RAD51B: variants seen among roughly 807,000 people sequenced by gnomAD.
RAD51B encodes DNA repair protein RAD51 homolog 2.
In RAD51B, 38 loss-of-function variants were observed where a neutral mutation model predicts 42.2. That is an observed-to-expected ratio of 0.90 (90% CI 0.70 to 1.18). The LOEUF is 1.18. Ranked by LOEUF, RAD51B falls within the 50% of genes most tolerant of loss-of-function variation. The pLI is 0.00. For synonymous variants in RAD51B, 154 were observed against 145.2 expected, an observed-to-expected ratio of 1.06 and a Z score of -0.43; for missense variants, 373 against 400.7, an observed-to-expected ratio of 0.93 and a Z score of 0.59.
At chr14:68,056,519 C>G (rs1438984436) in intron 7 of RAD51B, among the ~76,000 whole-genome samples, 2 of 151,880 alleles carry the variant, frequency 1.3e-5, no homozygotes, top group African/African-American at 4.8e-5. Flanking sequence ...GAGGCTGAGA[C>G]AGGCGGATTG....
At chr14:67,952,735 G>T (rs748026835) in intron 7 of RAD51B, among the ~76,000 whole-genome samples, 1 of 151,992 alleles carries the variant, frequency 6.6e-6, no homozygotes, top group Non-Finnish European at 1.5e-5. Context: ...AGGGAAAGAA[G>T]CTCTTTAAGA....
At chr14:68,100,221 T>G (rs921573832) in intron 7 of RAD51B, among the ~76,000 whole-genome samples, 6 of 152,340 alleles carry the variant, frequency 3.9e-5, no homozygotes, top group African/African-American at 1.4e-4. Flanking sequence ...AATATGAATT[T>G]CTTTATTAGA....
intron 8 of RAD51B, among the ~76,000 whole-genome samples, chr14:68,392,727 G>A (rs770460169): frequency 1.3e-5 from 2 of 152,188 alleles, no homozygotes; most frequent in Non-Finnish European, 2.9e-5. Flanking sequence ...CTCCTTTTCC[G>A]AGGAGGACAC....
chr14:67,927,758 G>GTA (rs1201339784), intron 7 of RAD51B, among the ~76,000 whole-genome samples: 1 of 143,026 alleles, frequency 7.0e-6, no homozygotes, highest in African/African-American at 3.0e-5. Flanking sequence ...TTGTGTGTGT[G>GTA]TATATATTAT....
chr14:68,494,041 C>T (rs754970177), intron 10 of RAD51B, among the ~76,000 whole-genome samples: 1 of 151,794 alleles, frequency 6.6e-6, no homozygotes, highest in Admixed American at 6.6e-5. Flanking sequence ...TATGGGAGGC[C>T]GAGGGAGGCG....
chr14:68,281,300 T>C (rs1266290767), intron 7 of RAD51B, among the ~76,000 whole-genome samples: 2 of 152,198 alleles, frequency 1.3e-5, no homozygotes, highest in African/African-American at 2.4e-5. Context: ...GGTTTTCCTA[T>C]TGGAATAATT....
intron 8 of RAD51B, among the ~76,000 whole-genome samples, chr14:68,303,159 A>C (rs1345521377): frequency 6.6e-6 from 1 of 152,258 alleles, no homozygotes; most frequent in African/African-American, 2.4e-5. Context: ...GGATGAGCTC[A>C]TGTCCTTTGC....
chr14:68,083,657 T>G (rs564506075), intron 7 of RAD51B, among the ~76,000 whole-genome samples: 1 of 152,322 alleles, frequency 6.6e-6, no homozygotes, highest in East Asian at 1.9e-4. Context: ...TGGTTACTTA[T>G]TAAAGATAAA....
rs35131778 is a variant in RAD51B at position 68,145,053 on chromosome 14, A to G, written c.757-146831A>G. Among the ~76,000 whole-genome samples the G allele has an allele frequency of 3.7e-3, 560 of 152,338 alleles. 1 individual carries two copies. The highest frequency in any genetic ancestry group is 6.8e-3 in the Middle Eastern group (2 of 294). On this transcript the variant is annotated intron_variant, in intron 7 of 10. Coordinates refer to ENST00000471583, the MANE Select transcript of RAD51B (RefSeq NM_133510.4). ...TTTTGCATTGTCTACAATTCATAGA[A>G]TCAGTATGGTAAAACATTAGAGCTG...
chr14:67,942,062 C>G (rs1234588079), intron 7 of RAD51B, among the ~76,000 whole-genome samples: 1 of 152,072 alleles, frequency 6.6e-6, no homozygotes, highest in East Asian at 1.9e-4. Flanking sequence ...AGAGGAAAAG[C>G]TAATAAAGTA....
At chr14:68,257,527 T>C (rs1340971574) in intron 7 of RAD51B, among the ~76,000 whole-genome samples, 1 of 152,128 alleles carries the variant, frequency 6.6e-6, no homozygotes, top group African/African-American at 2.4e-5. Flanking sequence ...AATTTAAAAT[T>C]AAATGATTTT....
intron 7 of RAD51B, among the ~76,000 whole-genome samples, chr14:68,051,071 G>A (rs2076385290): frequency 6.6e-6 from 1 of 151,566 alleles, no homozygotes; most frequent in Admixed American, 6.6e-5. Context: ...AAGAATAATT[G>A]TCATTCATAG....
chr14:68,644,096 C>A (rs868480756), intron 10 of RAD51B, among the ~76,000 whole-genome samples: 2 of 152,194 alleles, frequency 1.3e-5, no homozygotes, highest in Non-Finnish European at 2.9e-5. Flanking sequence ...CTTCTTCTTC[C>A]AGGGGCCTTG....
rs193186582 is a variant in RAD51B, at chr14:68,635,154, C to T, written c.1037-15627C>T. ...ATTGAATGGGGGCCTCTGAGTATCC[C>T]CCCCTCAATTTCAAATGAATGGGTG... On this transcript the variant is annotated intron_variant, in intron 10 of 11. Coordinates refer to the RAD51B transcript ENST00000488612. Among the ~76,000 whole-genome samples, 335 of 152,280 alleles carry T rather than the reference C, an allele frequency of 2.2e-3. 1 individual carries two copies. The highest frequency in any genetic ancestry group is 7.5e-3 in the African/African-American group (312 of 41,548).
At chr14:68,151,839 T>C (rs1341171719) in intron 7 of RAD51B, among the ~76,000 whole-genome samples, 2 of 103,918 alleles carry the variant, frequency 1.9e-5, no homozygotes, top group African/African-American at 8.9e-5. Flanking sequence ...TTTTTTTTTT[T>C]TTTTTTTTTT....
At position 68,513,994 on chromosome 14, in the gene RAD51B, A is replaced by G. The variant is rs113248580; in HGVS notation, c.1036+45744A>G. ...GGAAGCAATCCACGAGAACTGAACA[A>G]GTTAACACACACAAAGCACAAGGTG... On this transcript the variant is annotated intron_variant, in intron 10 of 10. Coordinates refer to the RAD51B transcript ENST00000487270. Among the ~76,000 whole-genome samples, 4 of 152,310 alleles carry G rather than the reference A, an allele frequency of 2.6e-5. 1 individual carries two copies. Among genetic ancestry groups the G allele is most frequent in the African/African-American group, 9.6e-5 (4 of 41,564 alleles).
At chr14:67,970,508 T>C (rs891763996) in intron 7 of RAD51B, among the ~76,000 whole-genome samples, 1 of 152,082 alleles carries the variant, frequency 6.6e-6, no homozygotes, top group Non-Finnish European at 1.5e-5. Context: ...GTTTTTTTTT[T>C]CCTAAGGTAG....
intron 7 of RAD51B, among the ~76,000 whole-genome samples, chr14:68,187,885 G>T (rs1018097176): frequency 6.6e-6 from 1 of 152,106 alleles, no homozygotes; most frequent in African/African-American, 2.4e-5. Flanking sequence ...CGCAATCTCG[G>T]CTCACTGCAA....
intron 8 of RAD51B, among the ~76,000 whole-genome samples, chr14:68,367,380 G>A (rs184594866): frequency 6.6e-6 from 1 of 152,318 alleles, no homozygotes; most frequent in East Asian, 1.9e-4. Flanking sequence ...TTATGTGTGA[G>A]TTGTAAGGGA....
Sources: allele counts gnomAD v4.1 joint callset (sites outside exome capture counted in the v4.1 genomes callset), GRCh38; gene constraint gnomAD v4.1.1; transcripts MANE v1.5; gene names NCBI Gene and HGNC (gene_info 2026-07-23, HGNC 2026-07-21).